The following BRD8 variants were observed in gnomAD, a reference collection of about 807,000 sequenced individuals.
BRD8 encodes the protein bromodomain-containing protein 8.
BRD8 carries 67 observed loss-of-function variants against 143.1 expected under a neutral mutation model. The observed-to-expected ratio is 0.47, with a 90% CI of 0.38 to 0.57. The LOEUF is 0.57. Among genes scored for constraint, BRD8 ranks in the 20% least tolerant of loss-of-function variants. BRD8 has a pLI of 0.00. For synonymous variants in BRD8, 505 were observed against 517.1 expected, an observed-to-expected ratio of 0.98 and a Z score of 0.32; for missense variants, 1,103 against 1,503.0, an observed-to-expected ratio of 0.73 and a Z score of 4.40.
intron 4 of BRD8, 54 bp downstream of exon 4, chr5:138,171,307 A>G: frequency 6.8e-7 from 1 of 1,465,330 alleles, no homozygotes; most frequent in Non-Finnish European, 9.5e-7. Context: ...AGAATTCCTC[A>G]GTAAATACTC....
intron 25 of BRD8, among the ~76,000 whole-genome samples, chr5:138,144,730 C>T (rs1463364340): frequency 6.6e-6 from 1 of 151,586 alleles, no homozygotes; most frequent in Non-Finnish European, 1.5e-5. Flanking sequence ...GGCAAAGCTC[C>T]GTTTCTACAA....
chr5:138,159,521 G>A (rs375112181), intron 20 of BRD8, 34 bp downstream of exon 20: 3 of 1,611,418 alleles, frequency 1.9e-6, no homozygotes, highest in Non-Finnish European at 2.5e-6. Context: ...AATCTTTGTG[G>A]CAACACCACC....
intron 2 of BRD8, among the ~76,000 whole-genome samples, chr5:138,173,315 T>A (rs1191957456): frequency 6.6e-6 from 1 of 151,732 alleles, no homozygotes; most frequent in African/African-American, 2.4e-5. Flanking sequence ...GGACAATCAC[T>A]TAAATCCAGG....
intron 22 of BRD8, among the ~76,000 whole-genome samples, 159 bp downstream of exon 22, chr5:138,150,586 C>T (rs1276150132): frequency 6.6e-6 from 1 of 152,192 alleles, no homozygotes; most frequent in Non-Finnish European, 1.5e-5. Context: ...AAAATGTTCA[C>T]TAACATGCTA....
intron 25 of BRD8, 61 bp from the exon 26 acceptor site, chr5:138,140,943 T>C (rs1751879419): frequency 6.4e-7 from 1 of 1,556,300 alleles, no homozygotes; most frequent in Non-Finnish European, 8.8e-7. Flanking sequence ...TATGATAACC[T>C]AACACGTTCT....
rs770735098 is a variant in BRD8, at chr5:138,152,714, T to C, written c.2624A>G (p.Asn875Ser). ...VWLDSEQDHP[N>S]DSELSNDCRS... ...GCAGTCATTGCTCAACTCAGAGTCA[T>C]TGGGATGATCTTGTTCAGAATCCAG... is the stretch of plus-strand genomic sequence containing the variant. The change falls in exon 21 of 27, where the codon AAT (asparagine) becomes AGT (serine). Residue 875 changes from asparagine (N) to serine (S), a missense_variant. Physicochemically the swap from Asn to Ser is conservative, Grantham distance 46 (BLOSUM62 1). Coordinates refer to ENST00000254900, the MANE Select transcript of BRD8 (RefSeq NM_139199.2). 4 of 1,614,096 alleles carry C rather than the reference T, an allele frequency of 2.5e-6. No homozygotes were observed. Among genetic ancestry groups the C allele is most frequent in the South Asian group, 1.1e-5 (1 of 91,090 alleles).
Position 138,163,329 on chromosome 5 carries a change from C to A in BRD8, c.1888G>T (p.Asp630Tyr), listed in dbSNP as rs202168698. 6.2e-7 allele frequency: 1 copy of A among 1,614,092 alleles called. No homozygotes were observed. The highest frequency in any genetic ancestry group is 8.5e-7 in the Non-Finnish European group (1 of 1,179,994). Reference sequence around the variant, plus strand: ...TCACTGACACCATCTTCCTCCTCATCCTCACCTGGGGCATCCTTAGATACA... The same window carrying A: ...TCACTGACACCATCTTCCTCCTCATACTCACCTGGGGCATCCTTAGATACA... ...GSQIKDAPGE[D>Y]EEEDGVSEAA... is the part of the protein sequence containing the mutation. Residue 630 changes from aspartate to tyrosine, a missense_variant, in exon 15 of 27, where the codon GAT (aspartate) becomes TAT (tyrosine). Physicochemically the swap from Asp to Tyr is radical, Grantham distance 160. Around this residue, in one of 7 missense-constraint regions of BRD8, gnomAD observed 75 missense variants for 111.7 expected, o/e 0.67. Transcript: ENST00000254900.
At chr5:138,159,948 T>C (rs1487757847) in intron 19 of BRD8, 121 bp downstream of exon 19, 2 of 720,786 alleles carry the variant, frequency 2.8e-6, no homozygotes, top group East Asian at 2.5e-5. Context: ...CTAAGATCTA[T>C]GTGTCTGTAT....
chr5:138,175,498 A>G (rs1047005007), intron 2 of BRD8, among the ~76,000 whole-genome samples: 1 of 151,944 alleles, frequency 6.6e-6, no homozygotes, highest in Non-Finnish European at 1.5e-5. Context: ...TGGGAGGATC[A>G]CTTGAGCCCA....
chr5:138,175,030 C>T (rs1754205359), intron 2 of BRD8, among the ~76,000 whole-genome samples: 1 of 152,016 alleles, frequency 6.6e-6, no homozygotes, highest in African/African-American at 2.4e-5. Context: ...GCTGGGACTA[C>T]AGGCGCACGC....
At position 138,171,062 on chromosome 5, in the gene BRD8, A is replaced by G. The variant is rs1213097630; in HGVS notation, c.335T>C (p.Ile112Thr). 1 of 1,613,734 alleles carries G rather than the reference A, an allele frequency of 6.2e-7. No individual in the cohort carries two copies. The highest frequency in any genetic ancestry group is 1.3e-5 in the African/African-American group (1 of 74,888). Residue 112 changes from isoleucine (I) to threonine (T), a missense_variant, in exon 5 of 27, where the codon ATA (isoleucine) becomes ACA (threonine). Physicochemically the swap from Ile to Thr is moderately conservative, Grantham distance 89. Transcript: ENST00000254900. The part of the protein sequence containing the change: ...AERVEELKKV[I>T]KETQERYRRL... Reference sequence around the variant, plus strand: ...CCTATATCTCTCCTGGGTTTCCTTTATCACTTTCTTTAGTTCTTCAACTCG... The same window carrying G: ...CCTATATCTCTCCTGGGTTTCCTTTGTCACTTTCTTTAGTTCTTCAACTCG...
In BRD8 at chr5:138,163,188, T is replaced by C. The variant is rs1646752678; in HGVS notation, c.2029A>G (p.Thr677Ala). Residue 677 changes from threonine (T) to alanine (A), a missense_variant, in exon 15 of 27, where the codon ACA becomes GCA. Thr to Ala is a moderately conservative substitution (Grantham distance 58). This residue lies in a region of BRD8 where 75 missense variants were observed against 111.7 expected (regional missense o/e 0.67). Transcript: ENST00000254900. Reference sequence around the variant, plus strand: ...TCTGCCAGTGTGTGTGACTGCAGTGTAGCATTGTGTATGCTGAAGCCATCA... The same window carrying C: ...TCTGCCAGTGTGTGTGACTGCAGTGCAGCATTGTGTATGCTGAAGCCATCA... ...SDDGFSIHNA[T>A]LQSHTLADSI... The C allele has an allele frequency of 1.2e-6, 2 of 1,614,008 alleles. No homozygotes were observed. The highest frequency in any genetic ancestry group is 1.1e-5 in the South Asian group (1 of 91,080).
Position 138,164,581 on chromosome 5 carries a change from C to T in BRD8, c.1731+133G>A, listed in dbSNP as rs913559751. The stretch of plus-strand genomic sequence containing the variant: ...GAATAAGTATATATAACACTAATCA[C>T]AGCCTATGGGCTTTGGACACATCAA... On this transcript the variant is annotated intron_variant, in intron 12 of 26. Coordinates refer to ENST00000254900, the MANE Select transcript of BRD8 (RefSeq NM_139199.2). 4 of 1,179,762 alleles carry T rather than the reference C, an allele frequency of 3.4e-6. No individual in the cohort carries two copies. The African/African-American group carries it at 6.2e-5, about 18-fold the overall frequency. 73.1% of individuals were successfully genotyped at this position (1,179,762 alleles called of 1,614,324 possible). A position where few individuals can be genotyped will look rare whatever the true frequency, so the allele number is the denominator to read the frequency against.
At chr5:138,156,331 A>C (rs1194783803) in intron 20 of BRD8, among the ~76,000 whole-genome samples, 1 of 149,402 alleles carries the variant, frequency 6.7e-6, no homozygotes, top group East Asian at 1.9e-4. Context: ...GTAGAGACAG[A>C]GTTTCACCAT....
intron 8 of BRD8, chr5:138,168,746 A>C (rs1284779700): frequency 1.1e-6 from 1 of 882,346 alleles, no homozygotes; most frequent in Non-Finnish European, 1.9e-6. Context: ...GTTCCCTACT[A>C]ATCTGTATGG....
In BRD8 at chr5:138,141,426, G is replaced by A. The variant is rs149098571; in HGVS notation, c.3438-544C>T. ...ATTACAAGTGTGAGCCACCGCCCCCGGCCTTATTATCTCCATTTCACAGAT... is the reference window on the plus strand; with the variant it reads ...ATTACAAGTGTGAGCCACCGCCCCCAGCCTTATTATCTCCATTTCACAGAT... On this transcript the variant is annotated intron_variant, in intron 25 of 26. Coordinates refer to ENST00000254900, the MANE Select transcript of BRD8 (RefSeq NM_139199.2). Among the ~76,000 whole-genome samples, 154 of 152,200 alleles carry A rather than the reference G, an allele frequency of 1.0e-3. 3 individuals carry two copies. In the East Asian group the frequency reaches 0.025, roughly 25 times the overall value.
At position 138,164,958 on chromosome 5, in the gene BRD8, T is replaced by C. The variant is rs147388447; in HGVS notation, c.1487A>G (p.His496Arg). Residue 496 changes from histidine to arginine, a missense_variant, in exon 12 of 27, where the codon CAT (histidine) becomes CGT (arginine). Around this residue, in one of 7 missense-constraint regions of BRD8, gnomAD observed 139 missense variants for 139.0 expected, o/e 1.00. Coordinates refer to ENST00000254900, the MANE Select transcript of BRD8 (RefSeq NM_139199.2). ...GGGCTCCCTGATGTCCACCAGTTCA[T>C]GTATTCCCTTGTTTTCCGTTTCCTC... ...DFEETENKGIHELVDIREPSA... is the reference protein window; with the variant it reads ...DFEETENKGIRELVDIREPSA... The C allele has an allele frequency of 2.7e-5, 44 of 1,614,076 alleles. No individual in the cohort carries two copies. Among genetic ancestry groups the C allele is most frequent in the Non-Finnish European group, 3.6e-5 (43 of 1,180,040 alleles).
At chr5:138,156,662 G>A (rs1024088550) in intron 20 of BRD8, among the ~76,000 whole-genome samples, 1 of 152,066 alleles carries the variant, frequency 6.6e-6, no homozygotes, top group Non-Finnish European at 1.5e-5. Flanking sequence ...TCTGAGTAAG[G>A]AAGTCTTTCC....
At chr5:138,159,527 C>A (rs372130380) in intron 20 of BRD8, 28 bp downstream of exon 20, 9 of 1,612,608 alleles carry the variant, frequency 5.6e-6, no homozygotes, top group Non-Finnish European at 6.8e-6. Context: ...TGTGGCAACA[C>A]CACCCCTTGC....
Sources: gnomAD v4.1 joint callset for allele counts (sites outside exome capture counted in the v4.1 genomes callset) on GRCh38, gnomAD v4.1.1 for gene constraint, gnomAD v4.1.1 regional missense constraint, MANE v1.5 for transcripts, NCBI Gene and HGNC (gene_info 2026-07-23, HGNC 2026-07-21) for gene names.